The following TMCC1 variants were observed in gnomAD, a reference collection of about 807,000 sequenced individuals.
TMCC1 encodes the protein transmembrane and coiled-coil domain family 1.
TMCC1 carries 15 observed loss-of-function variants against 52.4 expected under a neutral mutation model. That is an observed-to-expected ratio of 0.29 (90% CI 0.19 to 0.44). The LOEUF is 0.44. Among genes scored for constraint, TMCC1 ranks in the 20% least tolerant of loss-of-function variants. The pLI is 1.00. For missense variants in TMCC1, 503 were observed against 806.0 expected, an observed-to-expected ratio of 0.62 and a Z score of 4.55; for synonymous variants, 279 against 301.9, an observed-to-expected ratio of 0.92 and a Z score of 0.79.
At chr3:129,873,242 A>C (rs147104538) in intron 2 of TMCC1, among the ~76,000 whole-genome samples, 4 of 152,194 alleles carry the variant, frequency 2.6e-5, no homozygotes, top group African/African-American at 7.2e-5. Context: ...AGTGGAAATG[A>C]CACAGATTGG....
rs376696334 is a variant in TMCC1, at chr3:129,671,040, G to A, written c.801C>T (p.Asn267=). ...GGGCAGCCTGCTGTTTGTCTGCACT[G>A]TTGGCAAGCTTCAAGTATTCAGCAA... is the stretch of plus-strand genomic sequence containing the variant. ...DNVAEYLKLA[N]SADKQQAARI... is the part of the protein sequence containing the mutation. Residue 267 remains asparagine, a synonymous_variant, in exon 5 of 7, where the codon AAC becomes AAT. Coordinates refer to ENST00000393238, the MANE Select transcript of TMCC1 (RefSeq NM_001017395.5). 1.2e-5 allele frequency: 19 copies of A among 1,614,068 alleles called. No homozygotes were observed. The highest frequency in any genetic ancestry group is 1.2e-4 in the Admixed American group (7 of 59,994).
chr3:129,853,736 CA>C (rs971780787), intron 2 of TMCC1, among the ~76,000 whole-genome samples: 2 of 151,862 alleles, frequency 1.3e-5, no homozygotes, highest in Non-Finnish European at 2.9e-5. Flanking sequence ...TGGCTGTCAT[CA>C]AAACATACCT....
At chr3:129,849,837 T>A (rs1180572925) in intron 2 of TMCC1, among the ~76,000 whole-genome samples, 1 of 151,986 alleles carries the variant, frequency 6.6e-6, no homozygotes, top group Non-Finnish European at 1.5e-5. Context: ...CATGTATATA[T>A]ATGTATGTGT....
intron 2 of TMCC1, among the ~76,000 whole-genome samples, chr3:129,854,275 C>T (rs2060046757): frequency 6.6e-6 from 1 of 151,718 alleles, no homozygotes; most frequent in Non-Finnish European, 1.5e-5. Flanking sequence ...AACTGTAATC[C>T]CAGCTACTTA....
chr3:129,796,754 T>C (rs1235268118), intron 4 of TMCC1, among the ~76,000 whole-genome samples: 3 of 152,142 alleles, frequency 2.0e-5, no homozygotes, highest in African/African-American at 4.8e-5. Flanking sequence ...GGTGGCAGGA[T>C]TGCCTGAGTT....
intron 4 of TMCC1, among the ~76,000 whole-genome samples, chr3:129,737,588 C>T (rs2107628274): frequency 6.6e-6 from 1 of 152,064 alleles, no homozygotes; most frequent in East Asian, 1.9e-4. Flanking sequence ...CACCAGACAC[C>T]AAATCTGCTG....
chr3:129,797,986 CT>C (rs11417298), intron 4 of TMCC1, among the ~76,000 whole-genome samples: 6,846 of 136,614 alleles, frequency 0.05, 579 homozygotes, highest in East Asian at 0.39. Flanking sequence ...AGTTGTGTGC[CT>C]TTTTTTTTTT....
At chr3:129,862,407 T>C (rs773292952) in intron 2 of TMCC1, among the ~76,000 whole-genome samples, 3 of 152,180 alleles carry the variant, frequency 2.0e-5, no homozygotes, top group Non-Finnish European at 4.4e-5. Context: ...AAAATGTTAA[T>C]AGGAGAAATG....
At chr3:129,658,059 A>C (rs958098269) in intron 5 of TMCC1, among the ~76,000 whole-genome samples, 1 of 152,232 alleles carries the variant, frequency 6.6e-6, no homozygotes, top group African/African-American at 2.4e-5. Context: ...TCACAAGTCA[A>C]GTATCAATAT....
At chr3:129,778,672 G>GCT (rs1051484530) in intron 4 of TMCC1, among the ~76,000 whole-genome samples, 2 of 40,902 alleles carry the variant, frequency 4.9e-5, no homozygotes, top group Non-Finnish European at 1.2e-4. Flanking sequence ...ATTAGATCAT[G>GCT]GTGGGGGGGG....
At position 129,828,391 on chromosome 3, in the gene TMCC1, T is replaced by C. The variant is rs2058750580; in HGVS notation, c.-13A>G. The C allele has an allele frequency of 6.2e-7, 1 of 1,603,626 alleles. No individual in the cohort carries two copies. Among genetic ancestry groups the C allele is most frequent in the Non-Finnish European group, 8.5e-7 (1 of 1,174,832 alleles). On this transcript the variant is annotated 5_prime_UTR_variant, in exon 4 of 7. The change creates a new upstream start codon in the 5' untranslated region. Coordinates refer to ENST00000393238, the MANE Select transcript of TMCC1 (RefSeq NM_001017395.5). This position sits in a 1 kb window ranked among gnomAD's most constrained non-coding sequence, Gnocchi z 4.1. ...CCGAAGGCTCCATCAGTAGACTTAA[T>C]ATGCTTATTTGCAAACTCAAAAAAA...
intron 4 of TMCC1, among the ~76,000 whole-genome samples, chr3:129,817,529 C>G (rs1209020228): frequency 6.6e-6 from 1 of 152,306 alleles, no homozygotes; most frequent in South Asian, 2.1e-4. Flanking sequence ...TATTTACTAT[C>G]TTATTATCCA....
chr3:129,835,364 C>T (rs547743996), intron 2 of TMCC1, among the ~76,000 whole-genome samples: 154 of 151,694 alleles, frequency 1.0e-3, no homozygotes, highest in African/African-American at 3.4e-3. Flanking sequence ...ACAGGCTTTT[C>T]CCATCTGTTA....
At chr3:129,668,328 C>T (rs1435071214) in intron 5 of TMCC1, among the ~76,000 whole-genome samples, 1 of 152,206 alleles carries the variant, frequency 6.6e-6, no homozygotes, top group African/African-American at 2.4e-5. Flanking sequence ...CAGTAGAGCA[C>T]TATGGGGCCA....
chr3:129,715,813 G>T (rs2049037668), intron 4 of TMCC1, among the ~76,000 whole-genome samples: 1 of 152,016 alleles, frequency 6.6e-6, no homozygotes, highest in Non-Finnish European at 1.5e-5. Flanking sequence ...ACTTTATATT[G>T]AGTGGCCAGT....
chr3:129,736,523 T>TC (rs2050979409), intron 4 of TMCC1, among the ~76,000 whole-genome samples: 1 of 149,562 alleles, frequency 6.7e-6, no homozygotes, highest in African/African-American at 2.5e-5. Context: ...TATTTTCTTT[T>TC]CTTTTTTTTT....
intron 1 of TMCC1, among the ~76,000 whole-genome samples, chr3:129,882,551 A>G (rs2061506752): frequency 1.3e-5 from 2 of 152,198 alleles, no homozygotes; most frequent in South Asian, 4.1e-4. Context: ...TCTGTAAGAG[A>G]TATCTGTACA....
chr3:129,874,348 T>C (rs903061139), intron 2 of TMCC1, among the ~76,000 whole-genome samples: 3 of 152,212 alleles, frequency 2.0e-5, no homozygotes, highest in African/African-American at 7.2e-5. Context: ...CTCAAATGTC[T>C]TCTGACTCAA....
At chr3:129,792,132 C>T (rs908767849) in intron 4 of TMCC1, among the ~76,000 whole-genome samples, 1 of 151,020 alleles carries the variant, frequency 6.6e-6, no homozygotes, top group Non-Finnish European at 1.5e-5. Flanking sequence ...AGCAAAAATG[C>T]TTGTTACTGA....
Sources: allele counts gnomAD v4.1 joint callset (sites outside exome capture counted in the v4.1 genomes callset), GRCh38; gene constraint gnomAD v4.1.1; non-coding constraint Gnocchi (gnomAD v3.1); transcripts MANE v1.5; gene names NCBI Gene and HGNC (gene_info 2026-07-23, HGNC 2026-07-21).